Variants in RCC1 observed in about 807,000 individuals in gnomAD.
RCC1 encodes regulator of chromosome condensation 1, also known as regulator of chromosome condensation.
RCC1 carries 11 observed loss-of-function variants against 44.4 expected under a neutral mutation model. The ratio of observed to expected loss-of-function variants is 0.25; its 90% CI spans 0.16 to 0.41. The LOEUF (loss-of-function observed/expected upper bound fraction) is 0.41, where lower values mean the gene tolerates loss of function less well. Among genes scored for constraint, RCC1 ranks in the 10% least tolerant of loss-of-function variants. The pLI, the probability that RCC1 is intolerant of heterozygous loss-of-function variation, is 1.00. For synonymous variants in RCC1, 213 were observed against 216.5 expected (o/e 0.98, Z 0.14); for missense variants, 386 against 547.1 (o/e 0.71, Z 2.94).
At chr1:28,512,660 TAAC>T (rs1023251928) in intron 3 of RCC1, among the ~76,000 whole-genome samples, 2 of 152,166 alleles carry the variant, frequency 1.3e-5, no homozygotes, top group African/African-American at 4.8e-5. Flanking sequence ...CAGATACTGT[TAAC>T]AACACACAAA....
rs747565890 is a variant in RCC1 at position 28,533,770 on chromosome 1, CAAAAAAAAAAAAA to C, written c.442-1267_442-1255del. On this transcript the variant is annotated intron_variant, in intron 7 of 12. Transcript: ENST00000683442. Reference sequence around the variant, plus strand: ...GGGCAACAAGAGCGAAACTCTGTCTCAAAAAAAAAAAAAAAAAAAAAAAAAGGAAGTAATCAGA... The same window carrying C: ...GGGCAACAAGAGCGAAACTCTGTCTCAAAAAAAAAAAAGGAAGTAATCAGA... Among the ~76,000 whole-genome samples, 76 of 31,986 alleles carry C rather than the reference CAAAAAAAAAAAAA, an allele frequency of 2.4e-3. 4 individuals carry two copies. The highest frequency in any genetic ancestry group is 8.1e-3 in the African/African-American group (71 of 8,714). 21.0% of individuals were successfully genotyped at this position (31,986 alleles called of 152,430 possible).
At chr1:28,526,128 T>C (rs1663644288) in intron 4 of RCC1, among the ~76,000 whole-genome samples, 1 of 152,010 alleles carries the variant, frequency 6.6e-6, no homozygotes. Context: ...CTACAAAATA[T>C]ATAAAAATTA....
chr1:28,512,362 G>A (rs1246251914), intron 3 of RCC1, among the ~76,000 whole-genome samples: 2 of 152,038 alleles, frequency 1.3e-5, no homozygotes, highest in Admixed American at 6.6e-5. Flanking sequence ...TTCTGATCTG[G>A]TTATTTTCCA....
chr1:28,524,304 G>A (rs1343383602), intron 4 of RCC1, among the ~76,000 whole-genome samples: 1 of 152,182 alleles, frequency 6.6e-6, no homozygotes, highest in Non-Finnish European at 1.5e-5. Context: ...CCATCTACCT[G>A]GTCATTTAAG....
At chr1:28,508,534 C>G (rs747637641) in intron 2 of RCC1, 1 of 512,648 alleles carries the variant, frequency 2.0e-6, no homozygotes. Context: ...TTGTCGGTTA[C>G]TCCAATTCCT....
intron 1 of RCC1, chr1:28,507,358 C>T (rs754129869): frequency 3.9e-6 from 2 of 518,978 alleles, no homozygotes; most frequent in African/African-American, 1.9e-5. Flanking sequence ...ATGCGTTACA[C>T]TGATTGTCCA....
chr1:28,520,712 C>T (rs1188561003), intron 4 of RCC1, among the ~76,000 whole-genome samples: 2 of 151,930 alleles, frequency 1.3e-5, no homozygotes, highest in African/African-American at 4.8e-5. Flanking sequence ...TTGTGTGGGG[C>T]GGGGTGGGGA....
At chr1:28,524,797 A>G (rs1663539171) in intron 4 of RCC1, among the ~76,000 whole-genome samples, 1 of 152,060 alleles carries the variant, frequency 6.6e-6, no homozygotes, top group South Asian at 2.1e-4. Context: ...AGCCATGACC[A>G]TGCCACTGCA....
chr1:28,507,042 T>C (rs1172317969), intron 1 of RCC1: 1 of 165,250 alleles, frequency 6.1e-6, no homozygotes, highest in Admixed American at 5.9e-5. Flanking sequence ...TTTTTATATT[T>C]TTAGGATTAC....
intron 3 of RCC1, among the ~76,000 whole-genome samples, chr1:28,514,457 AAAC>A (rs1466723840): frequency 2.7e-5 from 4 of 150,684 alleles, no homozygotes; most frequent in African/African-American, 9.8e-5. Flanking sequence ...CTCAAAAAAA[AAAC>A]AAAAAAAAAA....
chr1:28,514,591 GTC>G (rs1662773634), intron 3 of RCC1, among the ~76,000 whole-genome samples: 1 of 149,162 alleles, frequency 6.7e-6, no homozygotes, highest in East Asian at 2.0e-4. Flanking sequence ...GAGAAACCCC[GTC>G]TCTACTAAAA....
At chr1:28,535,592 G>A in intron 9 of RCC1, 1 of 818,818 alleles carries the variant, frequency 1.2e-6, no homozygotes, top group Non-Finnish European at 2.0e-6. Flanking sequence ...CTACCTACCT[G>A]TAAACCTACT....
rs1448842612 is a variant in RCC1 at position 28,536,993 on chromosome 1, G to A, written c.1090+94G>A. 1.0e-5 allele frequency: 14 copies of A among 1,395,580 alleles called. No homozygotes were observed. The highest frequency in any genetic ancestry group is 1.4e-5 in the Non-Finnish European group (14 of 1,008,498). The allele number at this position is 1,395,580 out of a possible 1,614,324, so 86.4% of individuals were successfully genotyped here. On this transcript the variant is annotated intron_variant, in intron 12 of 12. Coordinates refer to ENST00000683442, the MANE Select transcript of RCC1 (RefSeq NM_001381865.2). This position sits in a 1 kb window ranked among gnomAD's most constrained non-coding sequence, Gnocchi z 4.9. ...TAGGCTGTGATGTCCACTCTCGGGG[G>A]AGCCGAGGTACAGAGAGCAGTGTTT...
At chr1:28,532,129 G>T (rs1664216767) in intron 6 of RCC1, 42 bp from the exon 7 acceptor site, 2 of 1,599,344 alleles carry the variant, frequency 1.3e-6, no homozygotes, top group African/African-American at 2.7e-5. Context: ...AGAATGGACT[G>T]CGAGGCCAGA....
chr1:28,532,787 T>C (rs1474698039), intron 7 of RCC1: 3 of 446,138 alleles, frequency 6.7e-6, no homozygotes, highest in Middle Eastern at 3.3e-4. Flanking sequence ...AAAAAACAGA[T>C]TGTGGGTTTT....
chr1:28,516,839 A>C lies in RCC1; in HGVS notation c.-38A>C, dbSNP rs967760219. The C allele has an allele frequency of 4.4e-6, 2 of 456,706 alleles. No individual in the cohort carries two copies. Among genetic ancestry groups the C allele is most frequent in the Admixed American group, 4.7e-5 (2 of 42,544 alleles). The allele number at this position is 456,706 out of a possible 1,614,324, so 28.3% of individuals were successfully genotyped here. ...AGTACATCATCCAAAAGAGGAGTCC[A>C]TGATGGAGGCAGAGGTAAACTTGGA... On this transcript the variant is annotated 5_prime_UTR_variant, in exon 4 of 13. It removes an upstream start codon present in the reference 5' UTR. Coordinates refer to ENST00000683442, the MANE Select transcript of RCC1 (RefSeq NM_001381865.2).
chr1:28,527,647 G>A (rs371218329), intron 4 of RCC1, among the ~76,000 whole-genome samples: 19 of 152,156 alleles, frequency 1.2e-4, no homozygotes, highest in African/African-American at 4.6e-4. Context: ...GTTGAATGGA[G>A]TTATGATGGA....
chr1:28,532,551 A>T (rs1664245340), intron 7 of RCC1: 1 of 584,692 alleles, frequency 1.7e-6, no homozygotes, highest in East Asian at 3.0e-5. Context: ...CTTGAATCCG[A>T]TGTCATCAAG....
intron 6 of RCC1, 78 bp downstream of exon 6, chr1:28,532,068 T>G: frequency 6.4e-7 from 1 of 1,562,244 alleles, no homozygotes; most frequent in South Asian, 1.2e-5. Flanking sequence ...GAACCACGCA[T>G]GTTCACTGTG....
Sources: gnomAD v4.1 joint callset for allele counts (sites outside exome capture counted in the v4.1 genomes callset) on GRCh38, gnomAD v4.1.1 for gene constraint, Gnocchi (gnomAD v3.1) non-coding constraint, MANE v1.5 for transcripts, NCBI Gene and HGNC (gene_info 2026-07-23, HGNC 2026-07-21) for gene names.